ANK2: variants seen among roughly 807,000 people sequenced by gnomAD.
ANK2 encodes ankyrin-2.
A neutral mutation model predicts 360.5 loss-of-function variants in ANK2; 83 were observed. The ratio of observed to expected loss-of-function variants is 0.23; its 90% confidence interval spans 0.19 to 0.28. The LOEUF (loss-of-function observed/expected upper bound fraction) is 0.28, where lower values mean the gene tolerates loss of function less well. Ranked by LOEUF, ANK2 falls within the 10% of genes least tolerant of loss-of-function variation. The pLI is 1.00. For synonymous variants in ANK2, 1,740 were observed against 1,759.5 expected (o/e 0.99, Z 0.28); for missense variants, 4,201 against 4,795.7 (o/e 0.88, Z 3.66).
rs7657832 is a variant in ANK2 at position 113,018,107 on chromosome 4, A to C, written c.21+113593A>C. Among the ~76,000 whole-genome samples, 1,114 of 152,352 alleles carry C rather than the reference A, an allele frequency of 7.3e-3. 15 individuals are homozygous for C. The highest frequency in any genetic ancestry group is 0.025 in the African/African-American group (1,049 of 41,574). On this transcript the variant is annotated intron_variant, in intron 2 of 30. Coordinates refer to the ANK2 transcript ENST00000503271. ...GAAATGTTTAGTGCATTAGATTTTTAAAGAGCTTTAGTCGTCAGTCAGTCT... is the reference window on the plus strand; with the variant it reads ...GAAATGTTTAGTGCATTAGATTTTTCAAGAGCTTTAGTCGTCAGTCAGTCT...
intron 2 of ANK2, among the ~76,000 whole-genome samples, chr4:113,026,891 T>C (rs1414462984): frequency 6.6e-6 from 1 of 152,092 alleles, no homozygotes; most frequent in Non-Finnish European, 1.5e-5. Context: ...AAAGGGTGGC[T>C]TTTTTCAGTA....
chr4:113,182,755 G>T (rs1351210760), intron 2 of ANK2, among the ~76,000 whole-genome samples: 1 of 152,178 alleles, frequency 6.6e-6, no homozygotes, highest in Non-Finnish European at 1.5e-5. Context: ...GAGTGGAGGG[G>T]TAAAAGCTGG....
intron 14 of ANK2, among the ~76,000 whole-genome samples, chr4:113,269,770 G>C (rs2153672193): frequency 6.6e-6 from 1 of 152,310 alleles, no homozygotes; most frequent in Non-Finnish European, 1.5e-5. Context: ...AGTAAAATAT[G>C]AGGGTTGGAC....
chr4:113,267,425 T>C (rs1304042295), intron 14 of ANK2, among the ~76,000 whole-genome samples: 1 of 152,212 alleles, frequency 6.6e-6, no homozygotes, highest in Non-Finnish European at 1.5e-5. Flanking sequence ...TTAATTTTTG[T>C]ATAAGACGTA....
chr4:113,089,772 C>T (rs1042917430), intron 1 of ANK2, among the ~76,000 whole-genome samples: 5 of 151,860 alleles, frequency 3.3e-5, no homozygotes, highest in Non-Finnish European at 5.9e-5. Context: ...TGCAGTGAGC[C>T]GAGATCGCAC....
chr4:113,269,601 G>T (rs2153671493), intron 14 of ANK2, among the ~76,000 whole-genome samples: 1 of 152,336 alleles, frequency 6.6e-6, no homozygotes, highest in South Asian at 2.1e-4. Context: ...TCCATGGGCT[G>T]CACCCACTGT....
chr4:113,285,820 C>G (rs747282196), intron 18 of ANK2, among the ~76,000 whole-genome samples: 39 of 152,162 alleles, frequency 2.6e-4, no homozygotes, highest in African/African-American at 8.9e-4. Flanking sequence ...GAAAGGAGGC[C>G]GGGGGAAGGT....
At chr4:112,913,131 C>T (rs1337193262) in intron 2 of ANK2, among the ~76,000 whole-genome samples, 1 of 152,124 alleles carries the variant, frequency 6.6e-6, no homozygotes, top group Non-Finnish European at 1.5e-5. Flanking sequence ...TTCTTCATAT[C>T]TATTGTTGCT....
chr4:112,914,838 T>C (rs2089171571), intron 2 of ANK2, among the ~76,000 whole-genome samples: 1 of 152,068 alleles, frequency 6.6e-6, no homozygotes, highest in African/African-American at 2.4e-5. Flanking sequence ...GTTGAAATGA[T>C]TGTCAAAGGT....
At chr4:113,262,961 G>A (rs1017780448) in intron 13 of ANK2, among the ~76,000 whole-genome samples, 26 of 151,606 alleles carry the variant, frequency 1.7e-4, no homozygotes, top group Admixed American at 1.2e-3. Context: ...AGGCCGAGGC[G>A]GGTGGATCAC....
chr4:113,179,624 C>A (rs534238650), intron 2 of ANK2, among the ~76,000 whole-genome samples: 1 of 151,800 alleles, frequency 6.6e-6, no homozygotes, highest in African/African-American at 2.4e-5. Flanking sequence ...ATCTTTTTAC[C>A]GTATTATCTC....
chr4:113,186,287 C>T (rs567096843), intron 2 of ANK2, among the ~76,000 whole-genome samples: 2 of 152,148 alleles, frequency 1.3e-5, no homozygotes, highest in Non-Finnish European at 2.9e-5. Context: ...CAGCAAATTC[C>T]AGCAGACCTG....
At chr4:113,317,121 CGCAGGAA>C (rs986991502) in intron 24 of ANK2, among the ~76,000 whole-genome samples, 6 of 152,136 alleles carry the variant, frequency 3.9e-5, no homozygotes, top group Admixed American at 3.9e-4. Context: ...ACTCCACTTC[CGCAGGAA>C]GCATGCATCT....
In ANK2 at chr4:113,357,137, C is replaced by G; in HGVS notation, c.8519C>G (p.Pro2840Arg). Residue 2840 changes from proline (P) to arginine (R), a missense_variant, in exon 38 of 46, where the codon CCC becomes CGC. Physicochemically the swap from Pro to Arg is moderately radical, Grantham distance 103. This residue lies in a region of ANK2 where 2,642 missense variants were observed against 2,714.5 expected (regional missense o/e 0.97). Coordinates refer to ENST00000357077, the MANE Select transcript of ANK2 (RefSeq NM_001148.6). ...SRAESPQADC[P>R]SESFSSSSSL... ...GCAGAATCTCCACAAGCAGATTGCC[C>G]CAGTGAAAGCTTTTCATCTTCATCC... is the stretch of plus-strand genomic sequence containing the variant. The G allele has an allele frequency of 6.2e-7, 1 of 1,614,060 alleles. No individual in the cohort carries two copies.
At chr4:113,000,698 G>T (rs13126659) in intron 2 of ANK2, among the ~76,000 whole-genome samples, 25,638 of 152,132 alleles carry the variant, frequency 0.17, 2,055 homozygotes, top group Non-Finnish European at 0.18. Context: ...AACTAGGTTT[G>T]TGCACAGTTT....
At chr4:113,168,777 C>T (rs996886065) in intron 1 of ANK2, among the ~76,000 whole-genome samples, 11 of 152,062 alleles carry the variant, frequency 7.2e-5, no homozygotes, top group South Asian at 2.1e-4. Context: ...TTGTTGGTTT[C>T]GACAAGACAG....
intron 2 of ANK2, among the ~76,000 whole-genome samples, chr4:113,026,185 G>A (rs975479307): frequency 6.6e-5 from 10 of 152,120 alleles, no homozygotes; most frequent in Non-Finnish European, 7.4e-5. Flanking sequence ...AAAAAGGACC[G>A]CTGCAATTTA....
chr4:113,029,642 C>G (rs1260839459), intron 2 of ANK2, among the ~76,000 whole-genome samples: 1 of 152,086 alleles, frequency 6.6e-6, no homozygotes, highest in African/African-American at 2.4e-5. Context: ...TGAGGCCCAC[C>G]AAGATCCAAT....
chr4:113,220,893 T>C (rs2099143128), intron 4 of ANK2, among the ~76,000 whole-genome samples: 1 of 152,268 alleles, frequency 6.6e-6, no homozygotes, highest in African/African-American at 2.4e-5. Context: ...TACTATGTTC[T>C]CAGCACAATG....
Sources: gnomAD v4.1 joint callset for allele counts (sites outside exome capture counted in the v4.1 genomes callset) on GRCh38, gnomAD v4.1.1 for gene constraint, gnomAD v4.1.1 regional missense constraint, MANE v1.5 for transcripts, NCBI Gene and HGNC (gene_info 2026-07-23, HGNC 2026-07-21) for gene names.